ZKSCAN7: variants seen among roughly 807,000 people sequenced by gnomAD.
The protein encoded by ZKSCAN7 is zinc finger with KRAB and SCAN domains 7, also known as zinc finger protein with KRAB and SCAN domains 7.
In ZKSCAN7, 38 loss-of-function variants were observed where a neutral mutation model predicts 65.3. That is an observed-to-expected ratio of 0.58 (90% confidence interval 0.45 to 0.76). ZKSCAN7 has a LOEUF of 0.76. ZKSCAN7 is among the 30% of genes least tolerant of loss of function. ZKSCAN7 has a pLI of 0.00. For synonymous variants in ZKSCAN7, 321 were observed against 321.0 expected (o/e 1.00, Z 0.00); for missense variants, 815 against 913.3 (o/e 0.89, Z 1.39).
chr3:44,577,718 A>G (rs1325950177), intron 5 of ZKSCAN7, among the ~76,000 whole-genome samples: 1 of 152,180 alleles, frequency 6.6e-6, no homozygotes. Context: ...AATACCACGG[A>G]AAAAAGCTTT....
Position 44,571,478 on chromosome 3 carries a change from A to G in ZKSCAN7, c.*103A>G. ...CCGGAGCCAGTAGTCACGGTGGACC[A>G]TTCCCTACTTGCTTTTCCTTGGATC... On this transcript the variant is annotated 3_prime_UTR_variant, in exon 6 of 6. Transcript: ENST00000426540. 1 of 1,593,420 alleles carries G rather than the reference A, an allele frequency of 6.3e-7. No individual in the cohort carries two copies. Among genetic ancestry groups the G allele is most frequent in the Non-Finnish European group, 8.5e-7 (1 of 1,175,654 alleles).
At chr3:44,578,895 C>T (rs1288968629) in intron 5 of ZKSCAN7, among the ~76,000 whole-genome samples, 1 of 152,236 alleles carries the variant, frequency 6.6e-6, no homozygotes, top group Non-Finnish European at 1.5e-5. Flanking sequence ...CCCTCACGGG[C>T]GCTCTGCTCC....
downstream of ZKSCAN7, among the ~76,000 whole-genome samples, chr3:44,573,659 G>C (rs115177761): frequency 6.6e-6 from 1 of 152,116 alleles, no homozygotes; most frequent in Non-Finnish European, 1.5e-5. Context: ...CAGATCCCAG[G>C]GACAAGCCCA....
chr3:44,581,081 G>A (rs1700071391), intron 5 of ZKSCAN7: 1 of 1,136,058 alleles, frequency 8.8e-7, no homozygotes, highest in Non-Finnish European at 1.1e-6. Flanking sequence ...GCTCCCGGCG[G>A]GCTAGGGGCT....
chr3:44,567,938 C>T lies in ZKSCAN7; in HGVS notation c.619C>T (p.Leu207Phe). 1 of 1,195,570 alleles carries T rather than the reference C, an allele frequency of 8.4e-7. No individual in the cohort carries two copies. Among genetic ancestry groups the T allele is most frequent in the Non-Finnish European group, 1.2e-6 (1 of 840,902 alleles). 74.1% of individuals were successfully genotyped at this position (1,195,570 alleles called of 1,614,324 possible). ...FAQCTSPVPT[L>F]PQVGNSGDQA... ...TCAATGTACTTCTCCAGTTCCTACC[C>T]TTCCTCAAGTGGGGAACTCAGGAGA... The change falls in exon 4 of 6, where the codon CTT becomes TTT. Residue 207 changes from leucine to phenylalanine, a missense_variant. By Grantham distance (22) the Leu-to-Phe change is conservative (BLOSUM62 0). Transcript: ENST00000426540.
At chr3:44,576,061 T>C (rs1699916906), downstream of ZKSCAN7, among the ~76,000 whole-genome samples, 2 of 152,308 alleles carry the variant, frequency 1.3e-5, no homozygotes, top group South Asian at 4.1e-4. Flanking sequence ...ATAATTTTTT[T>C]CCCCTGGTGT....
chr3:44,580,897 G>A (rs1700061025), intron 5 of ZKSCAN7: 3 of 1,613,460 alleles, frequency 1.9e-6, no homozygotes, highest in Non-Finnish European at 1.7e-6. Context: ...CCATAAATGG[G>A]TTTTGCCTGC....
At chr3:44,566,498 G>A (rs1404355386) in intron 3 of ZKSCAN7, among the ~76,000 whole-genome samples, 2 of 152,170 alleles carry the variant, frequency 1.3e-5, no homozygotes, top group Admixed American at 6.5e-5. Context: ...TATTATCATG[G>A]AAACATCCGT....
chr3:44,578,746 C>T (rs1257885639), intron 5 of ZKSCAN7, among the ~76,000 whole-genome samples: 1 of 152,238 alleles, frequency 6.6e-6, no homozygotes, highest in African/African-American at 2.4e-5. Flanking sequence ...CCGCTGTCTC[C>T]TCGGCTAGGA....
intron 5 of ZKSCAN7, 175 bp downstream of exon 5, chr3:44,568,608 C>T (rs1699703956): frequency 1.1e-6 from 1 of 902,972 alleles, no homozygotes; most frequent in African/African-American, 1.7e-5. Flanking sequence ...GATCAGCATA[C>T]TCTTCACCTC....
downstream of ZKSCAN7, among the ~76,000 whole-genome samples, chr3:44,572,367 TG>T (rs1236722911): frequency 3.4e-4 from 51 of 151,006 alleles, no homozygotes; most frequent in Non-Finnish European, 6.7e-4. Flanking sequence ...TGTGTGTGTG[TG>T]TGTGTGTGTG....
intron 5 of ZKSCAN7, chr3:44,578,358 G>A (rs927389050): frequency 1.9e-6 from 3 of 1,607,780 alleles, no homozygotes; most frequent in African/African-American, 2.7e-5. Flanking sequence ...CCCTGTGCAA[G>A]GGGTGACCCA....
In ZKSCAN7 at chr3:44,570,668, A is replaced by T. The variant is rs961916150; in HGVS notation, c.1558A>T (p.Lys520Ter). The T allele has an allele frequency of 3.7e-6, 6 of 1,613,964 alleles. No homozygotes were observed. Among genetic ancestry groups the T allele is most frequent in the Non-Finnish European group, 5.1e-6 (6 of 1,179,994 alleles). ...TCGACATCAGGTCCTGCACACTGGT[A>T]AGAAACCTTACAAATGCAATGAGTG... ...LARHQVLHTG[K>*]KPYKCNECGR... Residue 520 changes from lysine to a stop codon, truncating the protein, a stop_gained, in exon 6 of 6, where the codon AAG (lysine) becomes TAG (stop). Transcript: ENST00000426540. LOFTEE classifies it high-confidence loss of function.
exon 6 of ZKSCAN7, chr3:44,583,191 G>A (rs2125739605): frequency 1.1e-5 from 3 of 271,606 alleles, no homozygotes; most frequent in Middle Eastern, 1.4e-3. Context: ...GCCTCCCAAA[G>A]TGGTGGGATT....
intron 5 of ZKSCAN7, among the ~76,000 whole-genome samples, chr3:44,579,720 A>G (rs897124156): frequency 6.6e-6 from 1 of 152,154 alleles, no homozygotes; most frequent in African/African-American, 2.4e-5. Context: ...GTGACATCGT[A>G]ACATGCAGAC....
chr3:44,579,917 A>G (rs1700024371), intron 5 of ZKSCAN7: 9 of 1,587,792 alleles, frequency 5.7e-6, no homozygotes, highest in Middle Eastern at 1.7e-4. Context: ...CCTCCTGTCC[A>G]GTGACTTGGC....
chr3:44,573,096 T>C (rs138888023), downstream of ZKSCAN7, among the ~76,000 whole-genome samples: 17 of 152,310 alleles, frequency 1.1e-4, no homozygotes, highest in South Asian at 1.7e-3. Context: ...ATTATCATAA[T>C]TGTCTTCTGG....
intron 5 of ZKSCAN7, chr3:44,580,812 T>G: frequency 6.2e-7 from 1 of 1,613,110 alleles, no homozygotes; most frequent in Non-Finnish European, 8.5e-7. Context: ...GATGAAGAAC[T>G]GTCGCTGCCA....
In ZKSCAN7 at chr3:44,555,374, A is replaced by G. The variant is rs1326140640; in HGVS notation, c.-226A>G. The stretch of plus-strand genomic sequence containing the variant: ...CGGCGCGGTCCCCGTGACTCTCAGA[A>G]GCCGCCCGATGTAGAGCCGCTTCTT... On this transcript the variant is annotated 5_prime_UTR_variant, in exon 1 of 6. Transcript: ENST00000426540. 1 of 152,248 alleles carries G rather than the reference A, an allele frequency of 6.6e-6. No individual in the cohort carries two copies. Among genetic ancestry groups the G allele is most frequent in the Non-Finnish European group, 1.5e-5 (1 of 68,042 alleles). The allele number at this position is 152,248 out of a possible 1,614,324, so 9.4% of individuals were successfully genotyped here.
Sources: gnomAD v4.1 joint callset for allele counts (sites outside exome capture counted in the v4.1 genomes callset) on GRCh38, gnomAD v4.1.1 for gene constraint, MANE v1.5 for transcripts, NCBI Gene and HGNC (gene_info 2026-07-23, HGNC 2026-07-21) for gene names.